KDM4C: variants seen among roughly 807,000 people sequenced by gnomAD.
KDM4C encodes the protein lysine demethylase 4C, also known as lysine-specific demethylase 4C.
KDM4C carries 81 observed loss-of-function variants against 129.3 expected under a neutral mutation model. That is an observed-to-expected ratio of 0.63 (90% CI 0.52 to 0.75). The LOEUF (loss-of-function observed/expected upper bound fraction) is 0.75. Among genes scored for constraint, KDM4C ranks in the 30% least tolerant of loss-of-function variants. The pLI, the probability that KDM4C is intolerant of heterozygous loss-of-function variation, is 0.00. For synonymous variants in KDM4C, 573 were observed against 456.1 expected (o/e 1.26, Z -3.26); for missense variants, 1,457 against 1,304.0 (o/e 1.12, Z -1.81).
At chr9:6,875,943 C>T (rs910776837) in intron 5 of KDM4C, among the ~76,000 whole-genome samples, 4 of 152,148 alleles carry the variant, frequency 2.6e-5, no homozygotes, top group Non-Finnish European at 1.5e-5. Context: ...AATGACTCAA[C>T]CACCTGGTGA....
intron 6 of KDM4C, among the ~76,000 whole-genome samples, chr9:6,886,639 G>A (rs1213478590): frequency 6.6e-6 from 1 of 151,820 alleles, no homozygotes; most frequent in Non-Finnish European, 1.5e-5. Flanking sequence ...CCACAGGTGT[G>A]CGTCACCATG....
chr9:6,748,325 T>C (rs1044655160), intron 1 of KDM4C, among the ~76,000 whole-genome samples: 1 of 151,908 alleles, frequency 6.6e-6, no homozygotes. Flanking sequence ...CTGACCAACA[T>C]GGAGAAACCC....
chr9:7,043,950 G>A (rs189988238), intron 15 of KDM4C, among the ~76,000 whole-genome samples: 2 of 151,902 alleles, frequency 1.3e-5, no homozygotes, highest in South Asian at 4.1e-4. Context: ...GCCATGTTTT[G>A]TTATTTATTT....
At chr9:7,134,698 A>C (rs974110343) in intron 19 of KDM4C, among the ~76,000 whole-genome samples, 1 of 152,270 alleles carries the variant, frequency 6.6e-6, no homozygotes, top group Non-Finnish European at 1.5e-5. Flanking sequence ...ATAAGTAGAT[A>C]GACTTTGCCC....
At chr9:6,757,395 A>G (rs769923029), upstream of KDM4C, among the ~76,000 whole-genome samples, 3 of 152,232 alleles carry the variant, frequency 2.0e-5, no homozygotes, top group Non-Finnish European at 2.9e-5. Flanking sequence ...TTTTGCTTCC[A>G]GAGGCTGACA....
chr9:6,867,351 G>T (rs529339047), intron 5 of KDM4C, among the ~76,000 whole-genome samples: 2 of 152,150 alleles, frequency 1.3e-5, no homozygotes, highest in African/African-American at 4.8e-5. Flanking sequence ...TGTGAAGGTT[G>T]TGGGAGGAGT....
intron 8 of KDM4C, among the ~76,000 whole-genome samples, chr9:6,958,687 A>ATTTGTTTTTTTTT (rs1829521389): frequency 7.3e-6 from 1 of 136,364 alleles, no homozygotes; most frequent in African/African-American, 2.9e-5. Flanking sequence ...TCTTTATATG[A>ATTTGTTTTTTTTT]TTTTTTTTTT....
chr9:6,970,664 T>C (rs1206191554), intron 8 of KDM4C, among the ~76,000 whole-genome samples: 1 of 152,222 alleles, frequency 6.6e-6, no homozygotes, highest in East Asian at 1.9e-4. Context: ...ACTTTGTGGC[T>C]AAAATGACTT....
At chr9:7,149,427 C>G (rs953198518) in intron 19 of KDM4C, among the ~76,000 whole-genome samples, 3 of 152,238 alleles carry the variant, frequency 2.0e-5, no homozygotes, top group African/African-American at 7.2e-5. Context: ...GGGTCCAGAG[C>G]CACGGCTGGG....
chr9:6,728,361 C>T (rs546604145), intron 1 of KDM4C, among the ~76,000 whole-genome samples: 195 of 151,724 alleles, frequency 1.3e-3, no homozygotes, highest in African/African-American at 4.6e-3. Flanking sequence ...TGGTGAAACT[C>T]TGTCTTTACT....
chr9:6,915,397 A>G (rs922813253), intron 8 of KDM4C, among the ~76,000 whole-genome samples: 2 of 152,162 alleles, frequency 1.3e-5, no homozygotes, highest in Non-Finnish European at 2.9e-5. Context: ...TTTTTGCTGT[A>G]TTGTCTTCTC....
chr9:6,822,632 GAA>G (rs1564093422), intron 4 of KDM4C, among the ~76,000 whole-genome samples: 1 of 152,190 alleles, frequency 6.6e-6, no homozygotes, highest in Non-Finnish European at 1.5e-5. Context: ...GTCTGCCGAT[GAA>G]GTTTTAATTA....
intron 1 of KDM4C, among the ~76,000 whole-genome samples, chr9:6,777,693 G>C (rs4742262): frequency 6.7e-6 from 1 of 149,952 alleles, no homozygotes; most frequent in South Asian, 2.1e-4. Flanking sequence ...GTGCAGTGGC[G>C]CGATCTTGGT....
intron 17 of KDM4C, among the ~76,000 whole-genome samples, chr9:7,081,810 G>A (rs1323403): frequency 1 from 152,203 of 152,276 alleles, 76,065 homozygotes; most frequent in Middle Eastern, 1. Flanking sequence ...AGGGGCTAAT[G>A]GTAGAAGATA....
chr9:6,777,236 G>A (rs1460796139), intron 1 of KDM4C, among the ~76,000 whole-genome samples: 1 of 152,144 alleles, frequency 6.6e-6, no homozygotes, highest in Non-Finnish European at 1.5e-5. Flanking sequence ...CTACAGCAGG[G>A]TGGAAGCAGA....
chr9:6,931,623 C>T (rs1292820062), intron 8 of KDM4C, among the ~76,000 whole-genome samples: 2 of 152,128 alleles, frequency 1.3e-5, no homozygotes, highest in Non-Finnish European at 2.9e-5. Flanking sequence ...ACCTCAGCCT[C>T]CTGAGTAGCT....
At chr9:7,048,146 G>C (rs938653387) in intron 16 of KDM4C, among the ~76,000 whole-genome samples, 1 of 152,064 alleles carries the variant, frequency 6.6e-6, no homozygotes, top group African/African-American at 2.4e-5. Flanking sequence ...GCCATACTGT[G>C]AGATGGTTTA....
chr9:6,875,340 C>T (rs1213306713), intron 5 of KDM4C, among the ~76,000 whole-genome samples: 1 of 152,040 alleles, frequency 6.6e-6, no homozygotes, highest in Non-Finnish European at 1.5e-5. Flanking sequence ...CCAGGGTGGA[C>T]ACCTGCATGT....
chr9:6,831,890 A>C (rs1271073377), intron 4 of KDM4C, among the ~76,000 whole-genome samples: 1 of 152,196 alleles, frequency 6.6e-6, no homozygotes, highest in Non-Finnish European at 1.5e-5. Flanking sequence ...TGCAGTTTTC[A>C]TTCAGCTATA....
Sources: allele counts gnomAD v4.1 joint callset (sites outside exome capture counted in the v4.1 genomes callset), GRCh38; gene constraint gnomAD v4.1.1; transcripts MANE v1.5; gene names NCBI Gene and HGNC (gene_info 2026-07-23, HGNC 2026-07-21).